AFAP1L1: variants seen among roughly 807,000 people sequenced by gnomAD.
The protein encoded by AFAP1L1 is actin filament associated protein 1 like 1.
In AFAP1L1, 77 loss-of-function variants were observed where a neutral mutation model predicts 99.8. That is an observed-to-expected ratio of 0.77 (90% CI 0.64 to 0.93). The LOEUF (loss-of-function observed/expected upper bound fraction) is 0.93, where lower values mean the gene tolerates loss of function less well. AFAP1L1 is among the 40% of genes least tolerant of loss of function. AFAP1L1 has a pLI of 0.00. For missense variants in AFAP1L1, 893 were observed against 996.8 expected (o/e 0.90, Z 1.40); for synonymous variants, 373 against 395.3 (o/e 0.94, Z 0.67).
chr5:149,326,260 C>T (rs976039834), intron 15 of AFAP1L1, among the ~76,000 whole-genome samples: 1 of 152,148 alleles, frequency 6.6e-6, no homozygotes, highest in African/African-American at 2.4e-5. Context: ...TGCCCTCAGC[C>T]GGGCGTGATG....
Position 149,297,170 on chromosome 5 carries a change from A to G in AFAP1L1, c.17-2339A>G, listed in dbSNP as rs369764090. ...AAAAGATTTCCTTGAAAACAGCTAAAGTTTGGCTAAAATGATTTTAAATAA... is the reference window on the plus strand; with the variant it reads ...AAAAGATTTCCTTGAAAACAGCTAAGGTTTGGCTAAAATGATTTTAAATAA... On this transcript the variant is annotated intron_variant, in intron 1 of 18. Coordinates refer to ENST00000296721, the MANE Select transcript of AFAP1L1 (RefSeq NM_152406.4). Among the ~76,000 whole-genome samples, 31 of 152,186 alleles carry G rather than the reference A, an allele frequency of 2.0e-4. 1 individual carries two copies. Among genetic ancestry groups the G allele is most frequent in the East Asian group, 1.9e-3 (10 of 5,202 alleles).
rs542730963 is a variant in AFAP1L1 at position 149,295,297 on chromosome 5, C to T, written c.17-4212C>T. 1.6e-4 allele frequency among the ~76,000 whole-genome samples: 25 copies of T among 152,288 alleles called. No individual in the cohort carries two copies. In the South Asian group the frequency reaches 5.2e-3, roughly 32 times the overall value. On this transcript the variant is annotated intron_variant, in intron 1 of 18. Coordinates refer to ENST00000296721, the MANE Select transcript of AFAP1L1 (RefSeq NM_152406.4). ...TGTCAAGGTCCCATGTTAAGAATCC[C>T]ATCAAAGACCAGGAAGGAAACAAAA... is the stretch of plus-strand genomic sequence containing the variant.
At chr5:149,287,417 G>T (rs1397133609) in intron 1 of AFAP1L1, among the ~76,000 whole-genome samples, 2 of 151,956 alleles carry the variant, frequency 1.3e-5, no homozygotes, top group Non-Finnish European at 2.9e-5. Context: ...CAAGATCCTG[G>T]CTTTTGCTTT....
intron 1 of AFAP1L1, among the ~76,000 whole-genome samples, chr5:149,294,926 T>A (rs1157524343): frequency 6.6e-6 from 1 of 152,252 alleles, no homozygotes; most frequent in African/African-American, 2.4e-5. Context: ...AAAGCCTGAC[T>A]TTACTGCTTA....
rs576035858 is a variant in AFAP1L1 at position 149,310,278 on chromosome 5, A to G, written c.927+143A>G. 6.8e-5 allele frequency: 67 copies of G among 984,928 alleles called. No individual in the cohort carries two copies. In the South Asian group the frequency reaches 1.1e-3, roughly 16 times the overall value. The allele number at this position is 984,928 out of a possible 1,614,324, so 61.0% of individuals were successfully genotyped here. ...AGTGCCCTCTGCGTGGCTAGGGCTT[A>G]TGTATGGAAATGGGCCTCGGATATC... On this transcript the variant is annotated intron_variant, in intron 8 of 18. Coordinates refer to ENST00000296721, the MANE Select transcript of AFAP1L1 (RefSeq NM_152406.4).
intron 18 of AFAP1L1, among the ~76,000 whole-genome samples, chr5:149,337,026 A>G (rs961053240): frequency 1.3e-5 from 2 of 152,230 alleles, no homozygotes; most frequent in African/African-American, 4.8e-5. Context: ...CCAAGCTAAG[A>G]AATGTGGAGA....
intron 15 of AFAP1L1, among the ~76,000 whole-genome samples, chr5:149,324,386 C>G (rs1757037451): frequency 6.6e-6 from 1 of 152,140 alleles, no homozygotes; most frequent in Non-Finnish European, 1.5e-5. Flanking sequence ...CATGAGGGCT[C>G]CACCCTCGTG....
At chr5:149,295,586 GA>G (rs1385785255) in intron 1 of AFAP1L1, among the ~76,000 whole-genome samples, 1 of 150,710 alleles carries the variant, frequency 6.6e-6, no homozygotes, top group Non-Finnish European at 1.5e-5. Context: ...AACGAAAAAA[GA>G]AAAAGAGGGA....
intron 17 of AFAP1L1, among the ~76,000 whole-genome samples, chr5:149,333,220 T>A (rs1030369904): frequency 2.6e-5 from 4 of 152,234 alleles, no homozygotes; most frequent in Non-Finnish European, 5.9e-5. Flanking sequence ...ATAGGCATCT[T>A]AACCTGTATT....
Position 149,302,067 on chromosome 5 carries a change from C to T in AFAP1L1, c.328-351C>T, listed in dbSNP as rs184046034. Among the ~76,000 whole-genome samples the T allele has an allele frequency of 3.4e-3, 516 of 152,372 alleles. 1 individual carries two copies. The highest frequency in any genetic ancestry group is 0.014 in the Middle Eastern group (4 of 294). On this transcript the variant is annotated intron_variant, in intron 4 of 18. Transcript: ENST00000296721. ...TCACTAAAGAACAGGCCTCACGCTT[C>T]CTTGTCCTACTGCACCTCGTGTGTG...
intron 15 of AFAP1L1, 108 bp downstream of exon 15, chr5:149,322,825 G>C (rs929020426): frequency 1.2e-6 from 1 of 845,042 alleles, no homozygotes; most frequent in Admixed American, 2.8e-5. Context: ...AATGAGCAAA[G>C]TGAGATGCAA....
At chr5:149,280,414 C>T (rs527451170) in intron 1 of AFAP1L1, among the ~76,000 whole-genome samples, 1 of 152,210 alleles carries the variant, frequency 6.6e-6, no homozygotes, top group African/African-American at 2.4e-5. Context: ...CCCTGTGGAG[C>T]CTACTGAAAA....
intron 14 of AFAP1L1, among the ~76,000 whole-genome samples, chr5:149,321,227 CT>C (rs1478796295): frequency 6.6e-6 from 1 of 152,178 alleles, no homozygotes; most frequent in Non-Finnish European, 1.5e-5. Context: ...TTCATATGGT[CT>C]TTCTTCAGAC....
rs780075229 is a variant in AFAP1L1, at chr5:149,312,320, T to G, written c.1020+116T>G. 5 of 964,702 alleles carry G rather than the reference T, an allele frequency of 5.2e-6. No individual in the cohort carries two copies. In the Admixed American group the frequency reaches 8.9e-5, roughly 17 times the overall value. The allele number at this position is 964,702 out of a possible 1,614,324, so 59.8% of individuals were successfully genotyped here. On this transcript the variant is annotated intron_variant, in intron 9 of 18. Transcript: ENST00000296721. ...AGTCAGGCAACTGCCAAACTGTAGG[T>G]GCCCAGCACAGAGCTGGCACAACAG...
chr5:149,271,924 GCCCCTGCGCCCTGCGGCCCGCT>G lies in AFAP1L1; in HGVS notation c.-40_-19del, dbSNP rs1177412077. On this transcript the variant is annotated 5_prime_UTR_variant, in exon 1 of 19. Transcript: ENST00000296721. ...GCCGGCCGCTACCAGCCGCGCCGGA[GCCCCTGCGCCCTGCGGCCCGCT>G]CCCCGGGGACCGGGCCGGCGCCATG... is the stretch of plus-strand genomic sequence containing the variant. The G allele has an allele frequency of 4.8e-5, 59 of 1,219,042 alleles. No individual in the cohort carries two copies. Among genetic ancestry groups the G allele is most frequent in the Non-Finnish European group, 5.9e-5 (58 of 979,148 alleles). 75.5% of individuals were successfully genotyped at this position (1,219,042 alleles called of 1,614,324 possible).
At chr5:149,284,570 C>T (rs1016575420) in intron 1 of AFAP1L1, among the ~76,000 whole-genome samples, 6 of 152,214 alleles carry the variant, frequency 3.9e-5, no homozygotes, top group Non-Finnish European at 7.3e-5. Context: ...TTATCTCTGA[C>T]ACTTTCACCC....
chr5:149,326,116 G>A (rs775232027), intron 15 of AFAP1L1, among the ~76,000 whole-genome samples: 1 of 152,246 alleles, frequency 6.6e-6, no homozygotes, highest in Non-Finnish European at 1.5e-5. Context: ...ACTGACTTTA[G>A]TTGGAACAGA....
At chr5:149,301,719 T>C (rs1304345771) in intron 4 of AFAP1L1, among the ~76,000 whole-genome samples, 1 of 152,120 alleles carries the variant, frequency 6.6e-6, no homozygotes. Context: ...GGACCAGATA[T>C]AGGATGCGCA....
intron 7 of AFAP1L1, among the ~76,000 whole-genome samples, chr5:149,309,455 A>G (rs1310671753): frequency 6.6e-6 from 1 of 152,154 alleles, no homozygotes; most frequent in Non-Finnish European, 1.5e-5. Context: ...GGGTTATGAG[A>G]GAAATTAGCC....
Sources: gnomAD v4.1 joint callset for allele counts (sites outside exome capture counted in the v4.1 genomes callset) on GRCh38, gnomAD v4.1.1 for gene constraint, MANE v1.5 for transcripts, NCBI Gene and HGNC (gene_info 2026-07-23, HGNC 2026-07-21) for gene names.